DPP10: variants seen among roughly 807,000 people sequenced by gnomAD.
The protein encoded by DPP10 is inactive dipeptidyl peptidase 10.
DPP10 carries 33 observed loss-of-function variants against 120.9 expected under a neutral mutation model. The ratio of observed to expected loss-of-function variants is 0.27; its 90% CI spans 0.21 to 0.37. DPP10 has a LOEUF of 0.37. Among genes scored for constraint, DPP10 ranks in the 10% least tolerant of loss-of-function variants. DPP10 has a pLI of 1.00. For synonymous variants in DPP10, 337 were observed against 326.1 expected (o/e 1.03, Z -0.36); for missense variants, 816 against 942.8 (o/e 0.87, Z 1.76).
chr2:114,622,380 C>A (rs962169931), intron 1 of DPP10, among the ~76,000 whole-genome samples: 5 of 151,072 alleles, frequency 3.3e-5, no homozygotes, highest in Admixed American at 2.6e-4. Context: ...ATCTGTCCAT[C>A]TATCCATCCA....
In DPP10 at chr2:114,442,914, C is replaced by T. The variant is rs1677738014; in HGVS notation, c.60+76C>T. On this transcript the variant is annotated intron_variant, in intron 1 of 25. Coordinates refer to ENST00000410059, the MANE Select transcript of DPP10 (RefSeq NM_020868.6). ...ACCTAACACATGGGCATTGATATATCGGGGTACTGACAGTGGACATACCTA... is the reference window on the plus strand; with the variant it reads ...ACCTAACACATGGGCATTGATATATTGGGGTACTGACAGTGGACATACCTA... 8 of 1,563,228 alleles carry T rather than the reference C, an allele frequency of 5.1e-6. No homozygotes were observed. The South Asian group carries it at 6.9e-5, about 13-fold the overall frequency.
At chr2:115,551,447 G>T (rs1003666336) in intron 5 of DPP10, among the ~76,000 whole-genome samples, 1 of 152,188 alleles carries the variant, frequency 6.6e-6, no homozygotes, top group African/African-American at 2.4e-5. Context: ...CTGTGGCTAT[G>T]GATTCTCTCT....
At chr2:115,673,598 C>T (rs1225563442) in intron 5 of DPP10, among the ~76,000 whole-genome samples, 1 of 152,152 alleles carries the variant, frequency 6.6e-6, no homozygotes, top group African/African-American at 2.4e-5. Flanking sequence ...TGTTAAATAT[C>T]TCCTGATACA....
intron 11 of DPP10, among the ~76,000 whole-genome samples, chr2:115,760,628 A>G (rs1679994418): frequency 6.6e-6 from 1 of 152,230 alleles, no homozygotes; most frequent in African/African-American, 2.4e-5. Context: ...TGATGAGCAT[A>G]GTCGTGGAAA....
At position 115,791,317 on chromosome 2, in the gene DPP10, A is replaced by G; in HGVS notation, c.1661A>G (p.Asp554Gly). The G allele has an allele frequency of 1.2e-6, 2 of 1,611,892 alleles. No homozygotes were observed. Among genetic ancestry groups the G allele is most frequent in the Non-Finnish European group, 1.7e-6 (2 of 1,179,372 alleles). ...ELPLQLSLPKDFMDRNQYALL... is the reference protein window; with the variant it reads ...ELPLQLSLPKGFMDRNQYALL... ...CCTTTACAGTTGTCCCTTCCCAAAG[A>G]TTTTATGGACCGAAACCAGTATGCT... The change falls in exon 19 of 26, where the codon GAT becomes GGT. Residue 554 changes from aspartate (D) to glycine (G), a missense_variant. Coordinates refer to ENST00000410059, the MANE Select transcript of DPP10 (RefSeq NM_020868.6).
chr2:114,524,610 A>G (rs776471567), intron 1 of DPP10, among the ~76,000 whole-genome samples: 26 of 152,242 alleles, frequency 1.7e-4, no homozygotes, highest in Non-Finnish European at 3.4e-4. Flanking sequence ...GCATAGCCGT[A>G]GCTCTCAAGG....
rs1244810243 is a variant in DPP10, at chr2:115,193,217, CTTG to C, written c.61-116017_61-116015del. On this transcript the variant is annotated intron_variant, in intron 1 of 25. Coordinates refer to ENST00000410059, the MANE Select transcript of DPP10 (RefSeq NM_020868.6). ...TCTTTGACATGCCTTAACTTTTTGA[CTTG>C]TTGTAAACATCCCTTTTTTTAAACA... Among the ~76,000 whole-genome samples the C allele has an allele frequency of 7.9e-5, 12 of 152,264 alleles. 2 individuals carry two copies. Among genetic ancestry groups the C allele is most frequent in the African/African-American group, 2.6e-4 (11 of 41,558 alleles).
At chr2:114,696,732 T>TGC (rs2105794501) in intron 1 of DPP10, among the ~76,000 whole-genome samples, 1 of 151,984 alleles carries the variant, frequency 6.6e-6, no homozygotes, top group South Asian at 2.1e-4. Context: ...CGTGTGTGTG[T>TGC]GCGCGCGTGC....
intron 3 of DPP10, among the ~76,000 whole-genome samples, chr2:115,393,179 A>G (rs1306471103): frequency 6.6e-6 from 1 of 151,830 alleles, no homozygotes; most frequent in Non-Finnish European, 1.5e-5. Context: ...TGGACATGGT[A>G]GTGCGTGCTT....
chr2:114,914,247 A>G (rs1558873920), intron 1 of DPP10, among the ~76,000 whole-genome samples: 1 of 152,214 alleles, frequency 6.6e-6, no homozygotes, highest in Non-Finnish European at 1.5e-5. Flanking sequence ...CATCCACAAG[A>G]CACGTAGTCA....
At chr2:115,632,390 G>A (rs537935772) in intron 5 of DPP10, among the ~76,000 whole-genome samples, 33 of 152,120 alleles carry the variant, frequency 2.2e-4, no homozygotes, top group African/African-American at 7.7e-4. Flanking sequence ...AGGGCATTTA[G>A]CATGTTTACA....
chr2:115,365,073 A>G (rs574102343), intron 3 of DPP10, among the ~76,000 whole-genome samples: 1 of 152,240 alleles, frequency 6.6e-6, no homozygotes, highest in East Asian at 1.9e-4. Context: ...ATAAAGACTA[A>G]TACTGTTCTT....
intron 11 of DPP10, among the ~76,000 whole-genome samples, chr2:115,754,456 G>A (rs1037595234): frequency 6.6e-6 from 1 of 152,088 alleles, no homozygotes; most frequent in Non-Finnish European, 1.5e-5. Flanking sequence ...AACAACAATA[G>A]TGAAGAGATC....
intron 1 of DPP10, among the ~76,000 whole-genome samples, chr2:114,884,367 G>A (rs1691882131): frequency 6.6e-6 from 1 of 152,192 alleles, no homozygotes; most frequent in African/African-American, 2.4e-5. Flanking sequence ...GCTAAAATCA[G>A]TGTATTGGCG....
chr2:114,864,069 A>G (rs747009563), intron 1 of DPP10, among the ~76,000 whole-genome samples: 14 of 152,244 alleles, frequency 9.2e-5, no homozygotes, highest in Non-Finnish European at 1.8e-4. Flanking sequence ...TTTTGAAGAA[A>G]TGCAATGAAA....
chr2:114,726,201 A>G (rs1280533207), intron 1 of DPP10, among the ~76,000 whole-genome samples: 1 of 150,556 alleles, frequency 6.6e-6, no homozygotes, highest in Non-Finnish European at 1.5e-5. Flanking sequence ...GCACCACTGC[A>G]CTCCAGCCTG....
intron 1 of DPP10, chr2:115,162,305 C>G (rs1346908361): frequency 1.3e-6 from 2 of 1,500,400 alleles, no homozygotes; most frequent in African/African-American, 2.9e-5. Flanking sequence ...GGAACCCCGG[C>G]GGGCGGCCCA....
chr2:115,514,287 T>G (rs2077386347), intron 4 of DPP10, among the ~76,000 whole-genome samples: 2 of 151,776 alleles, frequency 1.3e-5, no homozygotes, highest in Admixed American at 6.6e-5. Flanking sequence ...TTTTTTGAAC[T>G]TCTTAAGTAT....
intron 3 of DPP10, among the ~76,000 whole-genome samples, chr2:115,362,626 A>G (rs775722032): frequency 2.6e-5 from 4 of 152,208 alleles, no homozygotes; most frequent in Non-Finnish European, 4.4e-5. Flanking sequence ...AGTGAGATTC[A>G]TATAGTGGAT....
Sources: allele counts gnomAD v4.1 joint callset (sites outside exome capture counted in the v4.1 genomes callset), GRCh38; gene constraint gnomAD v4.1.1; transcripts MANE v1.5; gene names NCBI Gene and HGNC (gene_info 2026-07-23, HGNC 2026-07-21).